The following ADGRB3 variants were observed in gnomAD, a reference collection of about 807,000 sequenced individuals.
The protein encoded by ADGRB3 is adhesion G protein-coupled receptor B3.
ADGRB3 carries 37 observed loss-of-function variants against 193.4 expected under a neutral mutation model. The observed-to-expected ratio is 0.19, with a 90% CI of 0.15 to 0.25. The LOEUF (loss-of-function observed/expected upper bound fraction) is 0.25. ADGRB3 is among the 10% of genes least tolerant of loss of function. The probability of loss-of-function intolerance (pLI) is 1.00; values close to 1 mark genes in which losing one functional copy is unlikely to be tolerated. For synonymous variants in ADGRB3, 690 were observed against 644.2 expected, an observed-to-expected ratio of 1.07 and a Z score of -1.08; for missense variants, 1,637 against 1,852.9, an observed-to-expected ratio of 0.88 and a Z score of 2.14.
intron 20 of ADGRB3, 87 bp downstream of exon 20, chr6:69,239,313 A>G: frequency 1.1e-6 from 1 of 927,200 alleles, no homozygotes; most frequent in Non-Finnish European, 1.6e-6. Flanking sequence ...TTCATTCTAA[A>G]ATGGAGAACT....
At chr6:69,167,503 T>A (rs1775159727) in intron 17 of ADGRB3, among the ~76,000 whole-genome samples, 1 of 152,178 alleles carries the variant, frequency 6.6e-6, no homozygotes, top group Admixed American at 6.5e-5. Context: ...TCTCAATTGA[T>A]TTAGAATTTT....
chr6:68,751,181 C>T (rs975008071), intron 3 of ADGRB3, among the ~76,000 whole-genome samples: 6 of 152,292 alleles, frequency 3.9e-5, no homozygotes, highest in Admixed American at 3.9e-4. Flanking sequence ...TGATTAAACT[C>T]ATTTCTAGAT....
intron 17 of ADGRB3, among the ~76,000 whole-genome samples, chr6:69,131,836 C>G (rs1184565445): frequency 1.6e-5 from 2 of 124,768 alleles, no homozygotes; most frequent in African/African-American, 3.1e-5. Flanking sequence ...TCCATGTTTT[C>G]TCATTGTTCA....
rs568971777 is a variant in ADGRB3 at position 69,300,168 on chromosome 6, C to T, written c.2815-24704C>T. On this transcript the variant is annotated intron_variant, in intron 20 of 31. Coordinates refer to ENST00000370598, the MANE Select transcript of ADGRB3 (RefSeq NM_001704.3). ...AGGGATACAAAGATGGTTTAACATA[C>T]ACAAATTAATAAATGTCATACATCA... Among the ~76,000 whole-genome samples, 3 of 151,916 alleles carry T rather than the reference C, an allele frequency of 2.0e-5. No homozygotes were observed. The East Asian group carries it at 5.8e-4, about 30-fold the overall frequency.
At chr6:68,665,520 A>G (rs996395311) in intron 3 of ADGRB3, among the ~76,000 whole-genome samples, 1 of 151,878 alleles carries the variant, frequency 6.6e-6, no homozygotes, top group Non-Finnish European at 1.5e-5. Context: ...AACAACAACA[A>G]TAACAGTGCC....
At chr6:68,814,886 C>T (rs1767598028) in intron 3 of ADGRB3, among the ~76,000 whole-genome samples, 1 of 152,006 alleles carries the variant, frequency 6.6e-6, no homozygotes, top group African/African-American at 2.4e-5. Flanking sequence ...CGACAAAAAC[C>T]ACATGATTAT....
In ADGRB3 at chr6:69,372,389, A is replaced by G. The variant is rs770163878; in HGVS notation, c.4240-17A>G. On this transcript the variant is annotated splice_polypyrimidine_tract_variant and intron_variant, in intron 29 of 31. Coordinates refer to ENST00000370598, the MANE Select transcript of ADGRB3 (RefSeq NM_001704.3). ...TTTATTGGTTTTTCTCCTTCTTTTT[A>G]AAAATATATCTTACAGAGAAGAAAA... 1 of 1,326,070 alleles carries G rather than the reference A, an allele frequency of 7.5e-7. No homozygotes were observed. The highest frequency in any genetic ancestry group is 1.0e-6 in the Non-Finnish European group (1 of 970,240). The allele number at this position is 1,326,070 out of a possible 1,614,324, so 82.1% of individuals were successfully genotyped here.
chr6:69,276,585 C>T (rs911096195), intron 20 of ADGRB3, among the ~76,000 whole-genome samples: 3 of 152,100 alleles, frequency 2.0e-5, no homozygotes, highest in Non-Finnish European at 4.4e-5. Flanking sequence ...AAGTGCTTCT[C>T]ATTTTGACCT....
intron 3 of ADGRB3, among the ~76,000 whole-genome samples, chr6:68,713,098 G>A (rs1399917946): frequency 1.3e-5 from 2 of 151,672 alleles, no homozygotes; most frequent in African/African-American, 4.8e-5. Flanking sequence ...TTACTTCTCA[G>A]CCTTTTCTTT....
chr6:69,040,385 C>T (rs58363429), intron 13 of ADGRB3, among the ~76,000 whole-genome samples: 22,017 of 120,670 alleles, frequency 0.18, 3,372 homozygotes, highest in East Asian at 0.38. Flanking sequence ...TTCCTTCTCT[C>T]TCTTTCTTTC....
chr6:69,203,776 C>T (rs1765482607), intron 17 of ADGRB3, among the ~76,000 whole-genome samples: 2 of 152,106 alleles, frequency 1.3e-5, no homozygotes, highest in African/African-American at 2.4e-5. Flanking sequence ...TTGCCAAAGA[C>T]CAGGAAATTC....
chr6:68,927,402 A>G (rs982888876), intron 3 of ADGRB3, among the ~76,000 whole-genome samples: 2 of 152,172 alleles, frequency 1.3e-5, no homozygotes, highest in Non-Finnish European at 2.9e-5. Flanking sequence ...CATTCACCAC[A>G]TAAAATAATA....
At chr6:69,328,450 TG>T (rs1485674024) in intron 22 of ADGRB3, among the ~76,000 whole-genome samples, 3 of 152,174 alleles carry the variant, frequency 2.0e-5, no homozygotes, top group African/African-American at 7.2e-5. Flanking sequence ...TGATAAATTC[TG>T]TGAGAGAATT....
chr6:69,256,772 G>C (rs1766782906), intron 20 of ADGRB3, among the ~76,000 whole-genome samples: 1 of 152,278 alleles, frequency 6.6e-6, no homozygotes. Context: ...GGGCATCCCT[G>C]TCTTGTGCCA....
chr6:69,281,996 G>T (rs900255886), intron 20 of ADGRB3, among the ~76,000 whole-genome samples: 8 of 152,178 alleles, frequency 5.3e-5, no homozygotes, highest in African/African-American at 1.9e-4. Flanking sequence ...CAAGGTAATT[G>T]ACTACCTTGC....
chr6:68,671,271 G>A (rs1768951805), intron 3 of ADGRB3, among the ~76,000 whole-genome samples: 1 of 151,914 alleles, frequency 6.6e-6, no homozygotes. Context: ...GATTGCTCTA[G>A]GTAGGACTTC....
At chr6:69,382,235 G>A (rs1014196749) in intron 30 of ADGRB3, among the ~76,000 whole-genome samples, 5 of 151,828 alleles carry the variant, frequency 3.3e-5, no homozygotes, top group African/African-American at 1.2e-4. Flanking sequence ...TAAACAAATG[G>A]ATGAAATCTA....
At chr6:68,768,079 T>C (rs1435676973) in intron 3 of ADGRB3, among the ~76,000 whole-genome samples, 28 of 152,152 alleles carry the variant, frequency 1.8e-4, no homozygotes, top group Middle Eastern at 3.2e-3. Flanking sequence ...TTCTCATGCA[T>C]AGGAAGAATC....
At chr6:68,785,240 C>T (rs1051953249) in intron 3 of ADGRB3, among the ~76,000 whole-genome samples, 4 of 151,808 alleles carry the variant, frequency 2.6e-5, no homozygotes, top group African/African-American at 4.8e-5. Flanking sequence ...TGGGCCATGT[C>T]GGTGTGCTGC....
Sources: allele counts gnomAD v4.1 joint callset (sites outside exome capture counted in the v4.1 genomes callset), GRCh38; gene constraint gnomAD v4.1.1; transcripts MANE v1.5; gene names NCBI Gene and HGNC (gene_info 2026-07-23, HGNC 2026-07-21).